MAP4K3: variants seen among roughly 807,000 people sequenced by gnomAD.
MAP4K3 encodes the protein MAPK/ERK kinase kinase kinase 3.
In MAP4K3, 94 loss-of-function variants were observed where a neutral mutation model predicts 143.5. The ratio of observed to expected loss-of-function variants is 0.65; its 90% CI spans 0.55 to 0.78. The LOEUF is 0.78. Ranked by LOEUF, MAP4K3 falls within the 30% of genes least tolerant of loss-of-function variation. The probability of loss-of-function intolerance (pLI) is 0.00; values close to 1 mark genes in which losing one functional copy is unlikely to be tolerated. For missense variants in MAP4K3, 1,077 were observed against 1,068.1 expected, an observed-to-expected ratio of 1.01 and a Z score of -0.12; for synonymous variants, 416 against 347.2, an observed-to-expected ratio of 1.20 and a Z score of -2.20.
intron 5 of MAP4K3, among the ~76,000 whole-genome samples, chr2:39,337,226 G>GTGTTTGAATTCCCA (rs1664993969): frequency 6.6e-6 from 1 of 152,066 alleles, no homozygotes; most frequent in Non-Finnish European, 1.5e-5. Flanking sequence ...TAGTATCAGA[G>GTGTTTGAATTCCCA]TGTTTGAATT....
intron 8 of MAP4K3, among the ~76,000 whole-genome samples, chr2:39,330,634 A>C (rs898160630): frequency 6.6e-6 from 1 of 151,588 alleles, no homozygotes; most frequent in African/African-American, 2.4e-5. Context: ...TTATTCTAGG[A>C]AAACAAAAAC....
intron 1 of MAP4K3, among the ~76,000 whole-genome samples, chr2:39,423,612 A>G (rs1315211023): frequency 6.6e-6 from 1 of 152,246 alleles, no homozygotes; most frequent in Non-Finnish European, 1.5e-5. Context: ...TGAGCCACAA[A>G]AAGTTATGGA....
At chr2:39,416,618 G>A (rs779022343) in intron 1 of MAP4K3, among the ~76,000 whole-genome samples, 2 of 152,206 alleles carry the variant, frequency 1.3e-5, no homozygotes, top group Non-Finnish European at 2.9e-5. Context: ...TTCCTTTAGT[G>A]AGTATACAGT....
intron 2 of MAP4K3, among the ~76,000 whole-genome samples, chr2:39,369,205 G>GTTTTTTTTTTTTTTTTTTTTTTTTTTTTT (rs68013609): frequency 3.2e-5 from 4 of 125,360 alleles, no homozygotes; most frequent in Admixed American, 8.6e-5. Context: ...TTTTTTTTTT[G>GTTTTTTTTTTTTTTTTTTTTTTTTTTTTT]TTTTTTTTGA....
chr2:39,274,348 C>T (rs1681161201), intron 24 of MAP4K3, among the ~76,000 whole-genome samples: 2 of 151,780 alleles, frequency 1.3e-5, no homozygotes, highest in Admixed American at 6.6e-5. Flanking sequence ...TCCCGAGTAG[C>T]TGGGACTACA....
intron 26 of MAP4K3, among the ~76,000 whole-genome samples, chr2:39,270,886 A>C (rs562158181): frequency 2.0e-5 from 3 of 152,280 alleles, no homozygotes; most frequent in South Asian, 4.2e-4. Context: ...TAAGTGAGAG[A>C]ATTAAAAGAT....
intron 28 of MAP4K3, among the ~76,000 whole-genome samples, chr2:39,262,260 G>A (rs981410282): frequency 6.6e-5 from 10 of 152,196 alleles, no homozygotes; most frequent in Admixed American, 3.3e-4. Flanking sequence ...TGGTACTCAT[G>A]GCTGGAATGT....
intron 31 of MAP4K3, 126 bp from the exon 32 acceptor site, chr2:39,254,646 A>G (rs1265451870): frequency 3.2e-6 from 2 of 633,422 alleles, no homozygotes; most frequent in Admixed American, 4.9e-5. Flanking sequence ...TTCCATATTT[A>G]TATGGCATCT....
intron 33 of MAP4K3, among the ~76,000 whole-genome samples, chr2:39,251,385 C>T (rs1477788222): frequency 6.6e-6 from 1 of 152,180 alleles, no homozygotes; most frequent in African/African-American, 2.4e-5. Flanking sequence ...AATTCAGCTG[C>T]CTTCAGCCAA....
intron 6 of MAP4K3, among the ~76,000 whole-genome samples, chr2:39,335,653 C>T (rs1412061145): frequency 6.6e-6 from 1 of 152,172 alleles, no homozygotes; most frequent in Admixed American, 6.5e-5. Context: ...TCTGTCAATC[C>T]TCCCAGATCA....
chr2:39,428,450 A>T (rs978539159), intron 1 of MAP4K3, among the ~76,000 whole-genome samples: 7 of 151,132 alleles, frequency 4.6e-5, no homozygotes, highest in African/African-American at 9.7e-5. Flanking sequence ...GAGGCAGGTG[A>T]TCACCTGAGG....
chr2:39,300,007 T>G (rs1444196749), intron 15 of MAP4K3, among the ~76,000 whole-genome samples: 1 of 152,120 alleles, frequency 6.6e-6, no homozygotes, highest in African/African-American at 2.4e-5. Flanking sequence ...TTCTTGGAAT[T>G]TTTCTGAATA....
At chr2:39,436,867 G>GGCGGCGC in intron 1 of MAP4K3, 25 bp downstream of exon 1, 1 of 1,579,472 alleles carries the variant, frequency 6.3e-7, no homozygotes. Context: ...CCACGGCCTC[G>GGCGGCGC]GCGGCGCGCG....
intron 2 of MAP4K3, among the ~76,000 whole-genome samples, chr2:39,368,960 C>T (rs1290332536): frequency 3.9e-5 from 6 of 152,056 alleles, no homozygotes; most frequent in Admixed American, 6.5e-5. Context: ...CTATCAATCA[C>T]GTTTTAAGTT....
chr2:39,333,451 C>A, intron 7 of MAP4K3, 81 bp downstream of exon 7: 2 of 1,092,324 alleles, frequency 1.8e-6, no homozygotes, highest in Non-Finnish European at 2.8e-6. Context: ...AGAGGGAAAA[C>A]CTGGTCCTAC....
Position 39,251,812 on chromosome 2 carries a change from T to C in MAP4K3, c.2597+18A>G. The C allele has an allele frequency of 1.9e-6, 3 of 1,608,868 alleles. No homozygotes were observed. The highest frequency in any genetic ancestry group is 2.6e-6 in the Non-Finnish European group (3 of 1,175,514). On this transcript the variant is annotated intron_variant, in intron 33 of 33. Coordinates refer to ENST00000263881, the MANE Select transcript of MAP4K3 (RefSeq NM_003618.4). ...AACACGTTTAGTACTGTGTATTTAATACAGTCCGTTTTCATACCTGTCAGA... is the reference window on the plus strand; with the variant it reads ...AACACGTTTAGTACTGTGTATTTAACACAGTCCGTTTTCATACCTGTCAGA...
At chr2:39,374,168 T>C (rs889115808) in intron 2 of MAP4K3, among the ~76,000 whole-genome samples, 1 of 152,086 alleles carries the variant, frequency 6.6e-6, no homozygotes, top group Non-Finnish European at 1.5e-5. Flanking sequence ...GATCACTTGA[T>C]GCCAGGAGTT....
intron 26 of MAP4K3, among the ~76,000 whole-genome samples, chr2:39,270,078 T>C (rs1406261436): frequency 6.6e-6 from 1 of 152,210 alleles, no homozygotes; most frequent in Non-Finnish European, 1.5e-5. Flanking sequence ...CTTGTGAACT[T>C]GTGTCCTAGC....
intron 2 of MAP4K3, among the ~76,000 whole-genome samples, chr2:39,360,502 A>G (rs1665736778): frequency 1.3e-5 from 2 of 152,086 alleles, no homozygotes; most frequent in Non-Finnish European, 2.9e-5. Flanking sequence ...ACCCAATTCC[A>G]AAGTTGCTTC....
Sources: gnomAD v4.1 joint callset for allele counts (sites outside exome capture counted in the v4.1 genomes callset) on GRCh38, gnomAD v4.1.1 for gene constraint, MANE v1.5 for transcripts, NCBI Gene and HGNC (gene_info 2026-07-23, HGNC 2026-07-21) for gene names.